NXPE2: variants seen among roughly 807,000 people sequenced by gnomAD.
NXPE2 encodes the protein neurexophilin and PC-esterase domain family member 2.
Under a neutral mutation model 34.4 loss-of-function variants are expected in NXPE2, and 34 were observed. That is an observed-to-expected ratio of 0.99 (90% CI 0.75 to 1.31). The LOEUF (loss-of-function observed/expected upper bound fraction) is 1.31, where lower values mean the gene tolerates loss of function less well. NXPE2 is among the 40% of genes most tolerant of loss of function. The pLI is 0.00. For synonymous variants in NXPE2, 235 were observed against 231.3 expected (o/e 1.02, Z -0.15); for missense variants, 649 against 672.5 (o/e 0.97, Z 0.39).
At chr11:114,637,222 C>T in the NXPE2 span, among the ~76,000 whole-genome samples, 2 of 151,806 alleles carry the variant, frequency 1.3e-5, no homozygotes, top group African/African-American at 2.4e-5. Context: ...AAGTAATGGC[C>T]TTCTTTGTCT....
At chr11:114,498,279 A>G in the NXPE2 span, among the ~76,000 whole-genome samples, 1 of 152,096 alleles carries the variant, frequency 6.6e-6, no homozygotes, top group African/African-American at 2.4e-5. Flanking sequence ...AATTTATTGT[A>G]TATTTTAAAA....
the NXPE2 span, among the ~76,000 whole-genome samples, chr11:114,575,597 GTAAAA>G: frequency 1.7e-4 from 26 of 151,548 alleles, no homozygotes; most frequent in Non-Finnish European, 7.4e-5. Context: ...CACAATAGCT[GTAAAA>G]TAAAATAAAA....
chr11:114,775,231 G>A, the NXPE2 span, among the ~76,000 whole-genome samples: 2 of 152,170 alleles, frequency 1.3e-5, no homozygotes, highest in African/African-American at 4.8e-5. Flanking sequence ...GCAGATCTAG[G>A]CCGTACGCTT....
At chr11:114,639,006 T>G in the NXPE2 span, among the ~76,000 whole-genome samples, 2 of 152,084 alleles carry the variant, frequency 1.3e-5, no homozygotes, top group Non-Finnish European at 2.9e-5. Flanking sequence ...GCTGTCAGAC[T>G]GGGACATTTA....
the NXPE2 span, among the ~76,000 whole-genome samples, chr11:114,620,340 A>G: frequency 2.7e-5 from 4 of 148,008 alleles, no homozygotes; most frequent in African/African-American, 1.0e-4. Context: ...ATATTGCCTC[A>G]CTGGTAACCA....
At chr11:114,511,871 A>C in the NXPE2 span, among the ~76,000 whole-genome samples, 2 of 151,746 alleles carry the variant, frequency 1.3e-5, no homozygotes, top group East Asian at 3.9e-4. Context: ...TTTGCTTTCC[A>C]TGAGTGGAAG....
chr11:114,497,365 C>T, the NXPE2 span, among the ~76,000 whole-genome samples: 1 of 152,136 alleles, frequency 6.6e-6, no homozygotes, highest in African/African-American at 2.4e-5. Flanking sequence ...ATGTCCTAGG[C>T]CTTCGCATTT....
At chr11:114,628,261 T>C in the NXPE2 span, among the ~76,000 whole-genome samples, 6 of 149,600 alleles carry the variant, frequency 4.0e-5, no homozygotes, top group Admixed American at 6.7e-5. Context: ...ATTGACCATA[T>C]ACTTGGAAAT....
the NXPE2 span, among the ~76,000 whole-genome samples, chr11:114,626,312 C>G: frequency 6.6e-6 from 1 of 152,218 alleles, no homozygotes; most frequent in African/African-American, 2.4e-5. Flanking sequence ...GTTCTCCTAG[C>G]ACACAGCTGG....
chr11:114,536,692 T>C, the NXPE2 span, among the ~76,000 whole-genome samples: 1 of 152,166 alleles, frequency 6.6e-6, no homozygotes, highest in South Asian at 2.1e-4. Context: ...AAGAAATGGA[T>C]AAATTCCTTG....
the NXPE2 span, among the ~76,000 whole-genome samples, chr11:114,621,316 C>T: frequency 2.6e-5 from 4 of 152,192 alleles, no homozygotes; most frequent in African/African-American, 4.8e-5. Flanking sequence ...TGTGGGTATC[C>T]ACTGTTACCC....
chr11:114,599,334 A>G, the NXPE2 span, among the ~76,000 whole-genome samples: 1 of 152,080 alleles, frequency 6.6e-6, no homozygotes, highest in Non-Finnish European at 1.5e-5. Flanking sequence ...CACTACCAGT[A>G]TTTTGGTGGC....
chr11:114,762,834 C>A, the NXPE2 span, among the ~76,000 whole-genome samples: 1 of 152,288 alleles, frequency 6.6e-6, no homozygotes, highest in South Asian at 2.1e-4. Flanking sequence ...TCAGAAACCC[C>A]ACTGTCATTT....
the NXPE2 span, among the ~76,000 whole-genome samples, chr11:114,570,169 A>T: frequency 2.0e-5 from 3 of 152,314 alleles, no homozygotes; most frequent in East Asian, 5.8e-4. Context: ...GGACCTATGT[A>T]CGGCTGAGCC....
intron 2 of NXPE2, among the ~76,000 whole-genome samples, chr11:114,689,871 T>G (rs1951118060): frequency 1.3e-5 from 2 of 152,194 alleles, no homozygotes; most frequent in African/African-American, 4.8e-5. Context: ...TTTTTAAATT[T>G]TTTGGTTTAA....
At chr11:114,705,499 C>T (rs1477529913) in intron 4 of NXPE2, among the ~76,000 whole-genome samples, 1 of 152,212 alleles carries the variant, frequency 6.6e-6, no homozygotes. Context: ...GGCTGTTCCA[C>T]AGCAGCGTGG....
the NXPE2 span, among the ~76,000 whole-genome samples, chr11:114,805,176 T>C: frequency 6.6e-6 from 1 of 151,440 alleles, no homozygotes; most frequent in East Asian, 1.9e-4. Context: ...GGGTTACTTT[T>C]TGGGACCACA....
chr11:114,466,979 A>G, the NXPE2 span, among the ~76,000 whole-genome samples: 1 of 152,218 alleles, frequency 6.6e-6, no homozygotes, highest in African/African-American at 2.4e-5. Flanking sequence ...ATCTATTTAG[A>G]CAGCTTCCAG....
At chr11:114,489,360 G>A in the NXPE2 span, among the ~76,000 whole-genome samples, 122 of 152,222 alleles carry the variant, frequency 8.0e-4, 2 homozygotes, top group African/African-American at 2.4e-3. Context: ...CATTTTATGA[G>A]GCCAGCATCA....
Sources: allele counts gnomAD v4.1 joint callset (sites outside exome capture counted in the v4.1 genomes callset), GRCh38; gene constraint gnomAD v4.1.1; transcripts MANE v1.5; gene names NCBI Gene and HGNC (gene_info 2026-07-23, HGNC 2026-07-21).